PHF20: variants seen among roughly 807,000 people sequenced by gnomAD.
PHF20 encodes the protein PHD finger protein 20, also known as glioma-expressed antigen 2.
A neutral mutation model predicts 113.5 loss-of-function variants in PHF20; 23 were observed. That is an observed-to-expected ratio of 0.20 (90% CI 0.15 to 0.29). The LOEUF is 0.29. PHF20 is among the 10% of genes least tolerant of loss of function. The pLI is 1.00. For missense variants in PHF20, 943 were observed against 1,219.6 expected, an observed-to-expected ratio of 0.77 and a Z score of 3.38; for synonymous variants, 434 against 457.3, an observed-to-expected ratio of 0.95 and a Z score of 0.65.
chr20:35,941,895 T>C (rs2055986799), intron 17 of PHF20, among the ~76,000 whole-genome samples: 1 of 152,168 alleles, frequency 6.6e-6, no homozygotes, highest in Non-Finnish European at 1.5e-5. Flanking sequence ...CTCCTGAGAC[T>C]GAAGTTGAGC....
intron 9 of PHF20, among the ~76,000 whole-genome samples, chr20:35,880,990 AG>A (rs2054619097): frequency 6.6e-6 from 1 of 151,076 alleles, no homozygotes; most frequent in Admixed American, 6.6e-5. Flanking sequence ...ATTTTTTTTT[AG>A]AAAGTACTTT....
At chr20:35,835,791 G>A (rs370050907) in intron 2 of PHF20, among the ~76,000 whole-genome samples, 4 of 151,990 alleles carry the variant, frequency 2.6e-5, no homozygotes, top group African/African-American at 9.7e-5. Context: ...TTAGCCAGGC[G>A]TGGTGGCGTG....
chr20:35,847,253 A>T, intron 3 of PHF20, 97 bp from the exon 4 acceptor site: 1 of 745,106 alleles, frequency 1.3e-6, no homozygotes, highest in Non-Finnish European at 2.2e-6. Context: ...ACACTTTCTT[A>T]TCAATCCCAG....
intron 10 of PHF20, among the ~76,000 whole-genome samples, chr20:35,904,596 G>A (rs2055164130): frequency 6.6e-6 from 1 of 152,000 alleles, no homozygotes; most frequent in Non-Finnish European, 1.5e-5. Context: ...ACTGGGACTC[G>A]AAAGTACCCT....
intron 4 of PHF20, among the ~76,000 whole-genome samples, chr20:35,850,296 G>GTGT: frequency 1.6e-5 from 1 of 62,358 alleles, no homozygotes; most frequent in African/African-American, 5.7e-5. Flanking sequence ...TTCCCCCTCC[G>GTGT]TTTTTTTTTT....
intron 9 of PHF20, among the ~76,000 whole-genome samples, chr20:35,887,497 A>G (rs896631980): frequency 3.3e-5 from 5 of 152,200 alleles, no homozygotes; most frequent in African/African-American, 9.6e-5. Context: ...TGGTGCACTC[A>G]GTTCCTTGCT....
Position 35,927,027 on chromosome 20 carries a change from G to T in PHF20, c.2005-753G>T, listed in dbSNP as rs528828176. ...CCTACTATCCTCAGGCTGTCCACAT[G>T]TCTCCCAGTGCAACCCTCATTGTCA... is the stretch of plus-strand genomic sequence containing the variant. On this transcript the variant is annotated intron_variant, in intron 13 of 17. Coordinates refer to ENST00000374012, the MANE Select transcript of PHF20 (RefSeq NM_016436.5). 2.6e-5 allele frequency among the ~76,000 whole-genome samples: 4 copies of T among 152,186 alleles called. No individual in the cohort carries two copies. In the East Asian group the frequency reaches 7.7e-4, roughly 29 times the overall value.
Position 35,930,495 on chromosome 20 carries a change from C to A in PHF20, c.2105-754C>A, listed in dbSNP as rs755909991. On this transcript the variant is annotated intron_variant, in intron 14 of 17. Coordinates refer to ENST00000374012, the MANE Select transcript of PHF20 (RefSeq NM_016436.5). The stretch of plus-strand genomic sequence containing the variant: ...CCTGGGCAACATGGCAAAACCCCAT[C>A]AAAAAAAAATGAAAGAAAGAAAGAA... Among the ~76,000 whole-genome samples the A allele has an allele frequency of 5.4e-4, 81 of 149,786 alleles. 2 individuals are homozygous for A. Among genetic ancestry groups the A allele is most frequent in the South Asian group, 4.2e-4 (2 of 4,728 alleles).
chr20:35,940,272 TAAAAC>T (rs1262364932), intron 16 of PHF20, among the ~76,000 whole-genome samples: 2 of 152,050 alleles, frequency 1.3e-5, no homozygotes, highest in Non-Finnish European at 2.9e-5. Context: ...ATCTGGCACA[TAAAAC>T]AAAGCCAGGA....
intron 17 of PHF20, 137 bp from the exon 18 acceptor site, chr20:35,947,347 CT>C: frequency 1.3e-6 from 1 of 768,630 alleles, no homozygotes; most frequent in Non-Finnish European, 2.0e-6. Flanking sequence ...CCCTTCCTCC[CT>C]TGCCCCATGG....
At chr20:35,814,272 C>T (rs918405970) in intron 2 of PHF20, among the ~76,000 whole-genome samples, 3 of 151,740 alleles carry the variant, frequency 2.0e-5, no homozygotes, top group African/African-American at 7.3e-5. Context: ...GGCTGGAGTG[C>T]AGTGGTACGA....
At chr20:35,853,951 A>C (rs2146956330) in intron 4 of PHF20, among the ~76,000 whole-genome samples, 1 of 151,972 alleles carries the variant, frequency 6.6e-6, no homozygotes, top group Middle Eastern at 3.4e-3. Context: ...ATGGGGTTTC[A>C]CCACATTGGC....
intron 10 of PHF20, among the ~76,000 whole-genome samples, chr20:35,911,558 T>C (rs2055304238): frequency 6.6e-6 from 1 of 152,358 alleles, no homozygotes; most frequent in African/African-American, 2.4e-5. Flanking sequence ...ATAGGATATA[T>C]GTACGTATAA....
chr20:35,918,347 G>C (rs1037248754), intron 13 of PHF20, among the ~76,000 whole-genome samples: 2 of 152,060 alleles, frequency 1.3e-5, no homozygotes, highest in Non-Finnish European at 2.9e-5. Context: ...TGGTTATATT[G>C]GTTAGGATTT....
At chr20:35,790,284 T>G (rs113668632) in intron 1 of PHF20, among the ~76,000 whole-genome samples, 4,902 of 151,868 alleles carry the variant, frequency 0.032, 128 homozygotes, top group Non-Finnish European at 0.047. Context: ...CACTGCAACC[T>G]CTGCCTTTTG....
Position 35,940,769 on chromosome 20 carries a change from C to T in PHF20, c.2713-95C>T, listed in dbSNP as rs969155964. ...GTAGGGATTTGGAGTATTGAAACTGCAGCTAGTATTTCAGGTGGCTGGAAA... is the reference window on the plus strand; with the variant it reads ...GTAGGGATTTGGAGTATTGAAACTGTAGCTAGTATTTCAGGTGGCTGGAAA... On this transcript the variant is annotated intron_variant, in intron 16 of 17. Coordinates refer to ENST00000374012, the MANE Select transcript of PHF20 (RefSeq NM_016436.5). 5.0e-6 allele frequency: 5 copies of T among 1,006,720 alleles called. No individual in the cohort carries two copies. In the South Asian group the frequency reaches 7.6e-5, roughly 15 times the overall value. The allele number at this position is 1,006,720 out of a possible 1,614,324, so 62.4% of individuals were successfully genotyped here. A position where few individuals can be genotyped will look rare whatever the true frequency, so the allele number is the denominator to read the frequency against.
At chr20:35,926,148 A>G (rs570302076) in intron 13 of PHF20, among the ~76,000 whole-genome samples, 61 of 147,730 alleles carry the variant, frequency 4.1e-4, no homozygotes, top group African/African-American at 1.5e-3. Flanking sequence ...AAAAGTTACC[A>G]TTTTGAAACT....
At chr20:35,775,830 G>A (rs1381667187) in intron 1 of PHF20, among the ~76,000 whole-genome samples, 1 of 151,312 alleles carries the variant, frequency 6.6e-6, no homozygotes, top group East Asian at 1.9e-4. Flanking sequence ...TATTTTGGGT[G>A]GGGACAGGGT....
chr20:35,806,952 C>T (rs1359918071), intron 2 of PHF20, among the ~76,000 whole-genome samples: 4 of 151,834 alleles, frequency 2.6e-5, no homozygotes, highest in African/African-American at 9.7e-5. Context: ...CCTGCCACCA[C>T]GCCCGGCTAA....
Sources: allele counts gnomAD v4.1 joint callset (sites outside exome capture counted in the v4.1 genomes callset), GRCh38; gene constraint gnomAD v4.1.1; transcripts MANE v1.5; gene names NCBI Gene and HGNC (gene_info 2026-07-23, HGNC 2026-07-21).